The following AGAP1 variants were observed in gnomAD, a reference collection of about 807,000 sequenced individuals.
AGAP1 encodes the protein ArfGAP with GTPase domain, ankyrin repeat and PH domain 1.
In AGAP1, 29 loss-of-function variants were observed where a neutral mutation model predicts 105.3. The ratio of observed to expected loss-of-function variants is 0.28; its 90% CI spans 0.21 to 0.38. The LOEUF (loss-of-function observed/expected upper bound fraction) is 0.38. AGAP1 is among the 10% of genes least tolerant of loss of function. The probability of loss-of-function intolerance (pLI) is 1.00; values close to 1 mark genes in which losing one functional copy is unlikely to be tolerated. For synonymous variants in AGAP1, 509 were observed against 485.9 expected (o/e 1.05, Z -0.63); for missense variants, 998 against 1,165.1 (o/e 0.86, Z 2.09).
At chr2:235,835,141 C>A (rs1959983413) in intron 9 of AGAP1, among the ~76,000 whole-genome samples, 1 of 152,190 alleles carries the variant, frequency 6.6e-6, no homozygotes, top group Non-Finnish European at 1.5e-5. Context: ...TCAGTGTGTT[C>A]CCCGGGCATG....
rs2056616763 is a variant in AGAP1 at position 236,014,257 on chromosome 2, T to TG, written c.1646-22303dup. ...ACAGCAGAATGGCACTAGGGGGTTT[T>TG]GCTGCTGTAGGTATTGCCTGAATCA... On this transcript the variant is annotated intron_variant, in intron 13 of 17. Coordinates refer to ENST00000304032, the MANE Select transcript of AGAP1 (RefSeq NM_001037131.3). This position sits in a 1 kb window ranked among gnomAD's most constrained non-coding sequence, Gnocchi z 6.3. Among the ~76,000 whole-genome samples, 1 of 152,198 alleles carries TG rather than the reference T, an allele frequency of 6.6e-6. No homozygotes were observed. The highest frequency in any genetic ancestry group is 2.4e-5 in the African/African-American group (1 of 41,456).
chr2:235,923,471 A>G, intron 11 of AGAP1, among the ~76,000 whole-genome samples: 1 of 152,174 alleles, frequency 6.6e-6, no homozygotes. Flanking sequence ...CAGAAGCAGC[A>G]GGTAGCCAGC....
chr2:235,742,984 T>A (rs1296552085), intron 4 of AGAP1, among the ~76,000 whole-genome samples: 23 of 152,118 alleles, frequency 1.5e-4, no homozygotes, highest in Admixed American at 1.5e-3. Context: ...CTGGCCAACA[T>A]GGTGAAACCC....
At chr2:235,525,473 T>C (rs1942796415) in intron 1 of AGAP1, among the ~76,000 whole-genome samples, 2 of 151,890 alleles carry the variant, frequency 1.3e-5, no homozygotes, top group African/African-American at 4.8e-5. Context: ...CGTGGAGGAC[T>C]GATACATAAC....
chr2:235,618,360 T>C (rs1946373337), intron 1 of AGAP1, among the ~76,000 whole-genome samples: 1 of 152,076 alleles, frequency 6.6e-6, no homozygotes, highest in Admixed American at 6.6e-5. Context: ...CTCTACAGAG[T>C]GAATGTGACT....
chr2:235,622,159 T>C lies in AGAP1; in HGVS notation c.164-87020T>C, dbSNP rs1946505400. Among the ~76,000 whole-genome samples, 1 of 152,180 alleles carries C rather than the reference T, an allele frequency of 6.6e-6. No homozygotes were observed. Among genetic ancestry groups the C allele is most frequent in the Non-Finnish European group, 1.5e-5 (1 of 68,028 alleles). Reference sequence around the variant, plus strand: ...TTTTCTGTACAAAATTAGATTTAGCTAAAGTAGCTTAGGTTTTATAAAAGC... The same window carrying C: ...TTTTCTGTACAAAATTAGATTTAGCCAAAGTAGCTTAGGTTTTATAAAAGC... On this transcript the variant is annotated intron_variant, in intron 1 of 17. Transcript: ENST00000304032. This position sits in a 1 kb window ranked among gnomAD's most constrained non-coding sequence, Gnocchi z 5.0.
intron 1 of AGAP1, among the ~76,000 whole-genome samples, chr2:235,624,417 C>T (rs2149275652): frequency 6.6e-6 from 1 of 152,138 alleles, no homozygotes; most frequent in East Asian, 1.9e-4. Flanking sequence ...AGGGGAAGCA[C>T]CTACAGTGGT....
At chr2:235,918,619 C>T (rs2317018) in intron 11 of AGAP1, among the ~76,000 whole-genome samples, 54,309 of 152,090 alleles carry the variant, frequency 0.36, 10,521 homozygotes, top group South Asian at 0.64. Context: ...CTCTTTGAGG[C>T]ATACACTGTT....
chr2:235,562,778 C>T (rs1944204274), intron 1 of AGAP1, among the ~76,000 whole-genome samples: 1 of 152,158 alleles, frequency 6.6e-6, no homozygotes, highest in Non-Finnish European at 1.5e-5. Context: ...GGGATGCTGG[C>T]TGGTGTCGCG....
chr2:235,977,049 T>C lies in AGAP1; in HGVS notation c.1645+8426T>C, dbSNP rs1559716749. The stretch of plus-strand genomic sequence containing the variant: ...CTAAGATACAGAAATGTGACGGACC[T>C]CAACTCCTTTTTTTTAGCTAGACTT... On this transcript the variant is annotated intron_variant, in intron 13 of 17. Coordinates refer to ENST00000304032, the MANE Select transcript of AGAP1 (RefSeq NM_001037131.3). This position sits in a 1 kb window ranked among gnomAD's most constrained non-coding sequence, Gnocchi z 5.2. Among the ~76,000 whole-genome samples the C allele has an allele frequency of 6.6e-6, 1 of 152,146 alleles. No individual in the cohort carries two copies. Among genetic ancestry groups the C allele is most frequent in the Non-Finnish European group, 1.5e-5 (1 of 68,028 alleles).
In AGAP1 at chr2:236,092,217, C is replaced by A. The variant is rs2059079961; in HGVS notation, c.2115-27975C>A. Among the ~76,000 whole-genome samples the A allele has an allele frequency of 1.3e-5, 2 of 152,094 alleles. No individual in the cohort carries two copies. Among genetic ancestry groups the A allele is most frequent in the South Asian group, 4.1e-4 (2 of 4,822 alleles). ...GTGACCAAATTGCATTGAACCAATTCCATGGACACATAAATACAAATGACC... is the reference window on the plus strand; with the variant it reads ...GTGACCAAATTGCATTGAACCAATTACATGGACACATAAATACAAATGACC... On this transcript the variant is annotated intron_variant, in intron 16 of 17. Transcript: ENST00000304032. The surrounding 1 kb of genome is among the most constrained non-coding windows in gnomAD (Gnocchi z 4.7).
chr2:235,986,617 A>G (rs921697874), intron 13 of AGAP1, among the ~76,000 whole-genome samples: 2 of 152,204 alleles, frequency 1.3e-5, no homozygotes, highest in Non-Finnish European at 2.9e-5. Flanking sequence ...TTTGTCATAA[A>G]TAGCTCTTAC....
chr2:236,030,526 T>C (rs2057192400), intron 13 of AGAP1, among the ~76,000 whole-genome samples: 1 of 152,246 alleles, frequency 6.6e-6, no homozygotes, highest in Non-Finnish European at 1.5e-5. Context: ...TTATGTTTCC[T>C]ATCTTAGGAC....
chr2:236,052,102 G>A (rs568543321), intron 16 of AGAP1, among the ~76,000 whole-genome samples: 1 of 152,102 alleles, frequency 6.6e-6, no homozygotes, highest in Admixed American at 6.5e-5. Flanking sequence ...CAGCTGGAAG[G>A]TTCTTTTAAT....
rs1304656423 is a variant in AGAP1 at position 236,060,715 on chromosome 2, T to TA, written c.2114+11442dup. ...ATCTCAAAAAAATAAAAATTTAAAT[T>TA]AAAAAAAAGAATACTTAAAACTCAA... On this transcript the variant is annotated intron_variant, in intron 16 of 17. Coordinates refer to ENST00000304032, the MANE Select transcript of AGAP1 (RefSeq NM_001037131.3). Among the ~76,000 whole-genome samples the TA allele has an allele frequency of 4.6e-5, 7 of 150,850 alleles. No individual in the cohort carries two copies. In the East Asian group the frequency reaches 9.9e-4, roughly 21 times the overall value.
chr2:235,775,653 A>G (rs1027132165), intron 6 of AGAP1: 9 of 152,134 alleles, frequency 5.9e-5, no homozygotes, highest in African/African-American at 2.2e-4. Flanking sequence ...ACCCCAGTAC[A>G]TACCTGGTCA....
chr2:235,799,313 G>T lies in AGAP1; in HGVS notation c.802-54G>T. 6.3e-7 allele frequency: 1 copy of T among 1,585,652 alleles called. No homozygotes were observed. ...TGGTTATGACCTTGCCTAAGTGGAGGTCTTGGGTTCCTGAGTATGTCGTTA... is the reference window on the plus strand; with the variant it reads ...TGGTTATGACCTTGCCTAAGTGGAGTTCTTGGGTTCCTGAGTATGTCGTTA... On this transcript the variant is annotated intron_variant, in intron 7 of 17. Coordinates refer to ENST00000304032, the MANE Select transcript of AGAP1 (RefSeq NM_001037131.3). This position sits in a 1 kb window ranked among gnomAD's most constrained non-coding sequence, Gnocchi z 5.0.
chr2:235,528,270 G>T (rs1942918344), intron 1 of AGAP1, among the ~76,000 whole-genome samples: 1 of 151,834 alleles, frequency 6.6e-6, no homozygotes, highest in Admixed American at 6.6e-5. Flanking sequence ...GCATTCCTGA[G>T]CCATGCCAGG....
Position 235,891,541 on chromosome 2 carries a change from A to T in AGAP1, c.1155+8092A>T, listed in dbSNP as rs890994607. Among the ~76,000 whole-genome samples the T allele has an allele frequency of 3.8e-4, 58 of 152,164 alleles. No individual in the cohort carries two copies. The highest frequency in any genetic ancestry group is 1.2e-3 in the African/African-American group (49 of 41,442). On this transcript the variant is annotated intron_variant, in intron 10 of 17. Coordinates refer to ENST00000304032, the MANE Select transcript of AGAP1 (RefSeq NM_001037131.3). This position sits in a 1 kb window ranked among gnomAD's most constrained non-coding sequence, Gnocchi z 4.2. Reference sequence around the variant, plus strand: ...TAGAAAAATGGAGGCATAATGAGAAAGAACTTGGACCTCAGGGCTTCACAG... The same window carrying T: ...TAGAAAAATGGAGGCATAATGAGAATGAACTTGGACCTCAGGGCTTCACAG...
Sources: gnomAD v4.1 joint callset for allele counts (sites outside exome capture counted in the v4.1 genomes callset) on GRCh38, gnomAD v4.1.1 for gene constraint, Gnocchi (gnomAD v3.1) non-coding constraint, MANE v1.5 for transcripts, NCBI Gene and HGNC (gene_info 2026-07-23, HGNC 2026-07-21) for gene names.